Variants in NEK11 observed in about 807,000 individuals in gnomAD.
The protein encoded by NEK11 is NIMA related kinase 11.
NEK11 carries 72 observed loss-of-function variants against 80.7 expected under a neutral mutation model. That is an observed-to-expected ratio of 0.89 (90% CI 0.74 to 1.08). The LOEUF (loss-of-function observed/expected upper bound fraction) is 1.08. Among genes scored for constraint, NEK11 ranks in the 50% least tolerant of loss-of-function variants. The probability of loss-of-function intolerance (pLI) is 0.00; values close to 1 mark genes in which losing one functional copy is unlikely to be tolerated. For synonymous variants in NEK11, 251 were observed against 260.7 expected (o/e 0.96, Z 0.36); for missense variants, 764 against 763.6 (o/e 1.00, Z -0.01).
chr3:131,296,747 G>C (rs911443659), intron 17 of NEK11, among the ~76,000 whole-genome samples: 1 of 151,982 alleles, frequency 6.6e-6, no homozygotes, highest in African/African-American at 2.4e-5. Flanking sequence ...TGCCATGCTG[G>C]TGTGCTGCAC....
rs146351815 is a variant in NEK11 at position 131,295,676 on chromosome 3, C to T, written c.1718+22102C>T. Among the ~76,000 whole-genome samples the T allele has an allele frequency of 1.8e-4, 28 of 152,220 alleles. No individual in the cohort carries two copies. In the East Asian group the frequency reaches 4.6e-3, roughly 25 times the overall value. On this transcript the variant is annotated intron_variant, in intron 17 of 17. Transcript: ENST00000383366. ...TGCAAAATACTTTATATTATGGATA[C>T]ACCATCTATTTTTAACTAGTATGCT...
intron 14 of NEK11, among the ~76,000 whole-genome samples, chr3:131,183,047 G>T (rs1213662721): frequency 5.3e-5 from 8 of 152,156 alleles, no homozygotes; most frequent in African/African-American, 1.9e-4. Context: ...TTTTATTTGT[G>T]AGATTATACA....
At chr3:131,250,602 A>G (rs1455156032) in intron 16 of NEK11, among the ~76,000 whole-genome samples, 2 of 152,102 alleles carry the variant, frequency 1.3e-5, no homozygotes, top group Non-Finnish European at 2.9e-5. Context: ...AGGAAATCCA[A>G]TATAGGAGAG....
intron 4 of NEK11, among the ~76,000 whole-genome samples, chr3:131,087,400 C>T (rs1196861774): frequency 2.0e-5 from 3 of 151,976 alleles, no homozygotes; most frequent in South Asian, 2.1e-4. Flanking sequence ...CGTGCCACCA[C>T]GCCCAGCTAA....
intron 16 of NEK11, among the ~76,000 whole-genome samples, chr3:131,266,933 C>G (rs971557949): frequency 6.6e-6 from 1 of 152,302 alleles, no homozygotes; most frequent in East Asian, 1.9e-4. Context: ...GATCCCTTTA[C>G]CATTATGCCA....
At chr3:131,055,140 C>T (rs1055473897) in intron 3 of NEK11, among the ~76,000 whole-genome samples, 1 of 152,336 alleles carries the variant, frequency 6.6e-6, no homozygotes, top group East Asian at 1.9e-4. Context: ...ACCTATCTAT[C>T]TCTTCAGGTC....
intron 17 of NEK11, among the ~76,000 whole-genome samples, chr3:131,333,364 A>C (rs2110114388): frequency 6.6e-6 from 1 of 152,320 alleles, no homozygotes; most frequent in African/African-American, 2.4e-5. Context: ...ATCCAGCCAA[A>C]CCAAGCTTCA....
At chr3:131,106,694 A>G (rs560678013) in intron 4 of NEK11, among the ~76,000 whole-genome samples, 14 of 152,192 alleles carry the variant, frequency 9.2e-5, no homozygotes, top group Non-Finnish European at 1.5e-4. Flanking sequence ...AGGAATACCT[A>G]TTTTATATAA....
intron 17 of NEK11, among the ~76,000 whole-genome samples, chr3:131,340,015 A>C (rs981501520): frequency 6.6e-6 from 1 of 152,266 alleles, no homozygotes; most frequent in Non-Finnish European, 1.5e-5. Flanking sequence ...AGGAAACTAA[A>C]GAGACATGAC....
chr3:131,085,173 T>A (rs768412556), intron 4 of NEK11, among the ~76,000 whole-genome samples: 1 of 152,244 alleles, frequency 6.6e-6, no homozygotes, highest in Non-Finnish European at 1.5e-5. Context: ...ATATGTCTCC[T>A]CTAATAGGAA....
At chr3:131,090,119 A>G (rs1009882469) in intron 4 of NEK11, among the ~76,000 whole-genome samples, 1 of 152,258 alleles carries the variant, frequency 6.6e-6, no homozygotes. Context: ...ACAAGGATTA[A>G]TTTTTAAAAT....
chr3:131,283,660 G>A (rs1374908572), intron 17 of NEK11, among the ~76,000 whole-genome samples: 1 of 152,128 alleles, frequency 6.6e-6, no homozygotes, highest in East Asian at 1.9e-4. Context: ...CAGATGCAGT[G>A]ATGGTTCTTT....
chr3:131,136,986 T>A (rs1031729895), intron 7 of NEK11, among the ~76,000 whole-genome samples: 11 of 152,216 alleles, frequency 7.2e-5, no homozygotes, highest in African/African-American at 2.7e-4. Context: ...GTTGGTCTTA[T>A]TTACTTTGTT....
intron 3 of NEK11, among the ~76,000 whole-genome samples, chr3:131,034,610 A>T (rs1172103004): frequency 6.6e-6 from 1 of 152,122 alleles, no homozygotes; most frequent in African/African-American, 2.4e-5. Context: ...CGTGGTCTCG[A>T]TCTCCTGACC....
At chr3:131,333,225 G>A (rs1027528252) in intron 17 of NEK11, among the ~76,000 whole-genome samples, 105 of 152,176 alleles carry the variant, frequency 6.9e-4, no homozygotes, top group African/African-American at 2.1e-3. Context: ...GAGAAAGGTC[G>A]GGTTACCCAC....
At chr3:131,083,329 T>C (rs1278693594) in intron 4 of NEK11, among the ~76,000 whole-genome samples, 5 of 150,100 alleles carry the variant, frequency 3.3e-5, no homozygotes, top group Non-Finnish European at 7.5e-5. Flanking sequence ...TGGGCTGAGC[T>C]GCTCTCCCGG....
At chr3:131,161,799 A>G (rs1004127275) in intron 10 of NEK11, among the ~76,000 whole-genome samples, 3 of 152,248 alleles carry the variant, frequency 2.0e-5, no homozygotes, top group Non-Finnish European at 4.4e-5. Flanking sequence ...GTTTACCTAT[A>G]TAACAAACCT....
At chr3:131,094,665 C>G (rs2077187226) in intron 4 of NEK11, among the ~76,000 whole-genome samples, 1 of 152,158 alleles carries the variant, frequency 6.6e-6, no homozygotes, top group Non-Finnish European at 1.5e-5. Flanking sequence ...ATATCAGCAA[C>G]CTTCCTGCAT....
In NEK11 at chr3:131,041,562, GTGTGTGTGTA is replaced by G. The variant is rs2066481868; in HGVS notation, c.170+11694_170+11703del. 2.6e-5 allele frequency among the ~76,000 whole-genome samples: 4 copies of G among 152,148 alleles called. No homozygotes were observed. In the South Asian group the frequency reaches 6.2e-4, roughly 24 times the overall value. The stretch of plus-strand genomic sequence containing the variant: ...TAAATATATACTCACGTATATATAT[GTGTGTGTGTA>G]TGTGTGTGTTTAAGGTGTGTATATG... On this transcript the variant is annotated intron_variant, in intron 3 of 17. Coordinates refer to ENST00000383366, the MANE Select transcript of NEK11 (RefSeq NM_024800.5).
Sources: gnomAD v4.1 joint callset for allele counts (sites outside exome capture counted in the v4.1 genomes callset) on GRCh38, gnomAD v4.1.1 for gene constraint, MANE v1.5 for transcripts, NCBI Gene and HGNC (gene_info 2026-07-23, HGNC 2026-07-21) for gene names.